The following CDH13 variants were observed in gnomAD, a reference collection of about 807,000 sequenced individuals.
CDH13 encodes the protein cadherin 13, also known as cadherin-13.
A neutral mutation model predicts 63.8 loss-of-function variants in CDH13; 24 were observed. The observed-to-expected ratio is 0.38, with a 90% CI of 0.27 to 0.53. The LOEUF is 0.53. Ranked by LOEUF, CDH13 falls within the 20% of genes least tolerant of loss-of-function variation. The probability of loss-of-function intolerance (pLI) is 0.85; values close to 1 mark genes in which losing one functional copy is unlikely to be tolerated. For synonymous variants in CDH13, 503 were observed against 355.3 expected (o/e 1.42, Z -4.67); for missense variants, 1,049 against 903.1 (o/e 1.16, Z -2.07).
intron 6 of CDH13, among the ~76,000 whole-genome samples, chr16:83,369,866 T>G (rs189947635): frequency 6.6e-6 from 1 of 152,290 alleles, no homozygotes; most frequent in Non-Finnish European, 1.5e-5. Context: ...ATGACACATA[T>G]GTAGCATCCA....
chr16:82,846,805 A>G (rs1419571826), intron 1 of CDH13, among the ~76,000 whole-genome samples: 1 of 152,222 alleles, frequency 6.6e-6, no homozygotes, highest in Non-Finnish European at 1.5e-5. Context: ...AAGAAAATCA[A>G]TTTTAAAATG....
intron 5 of CDH13, among the ~76,000 whole-genome samples, chr16:83,223,991 A>G (rs577458919): frequency 1.3e-5 from 2 of 150,958 alleles, no homozygotes; most frequent in African/African-American, 4.9e-5. Flanking sequence ...TTCCCTTCCC[A>G]CTCTTCCCCC....
chr16:83,139,337 C>G (rs1449711556), intron 4 of CDH13, among the ~76,000 whole-genome samples: 1 of 152,198 alleles, frequency 6.6e-6, no homozygotes, highest in Non-Finnish European at 1.5e-5. Context: ...AATTTGAAAA[C>G]TTTTATTTTA....
At chr16:83,132,443 ACAC>A (rs2036095253) in intron 4 of CDH13, among the ~76,000 whole-genome samples, 1 of 17,532 alleles carries the variant, frequency 5.7e-5, no homozygotes, top group African/African-American at 1.8e-4. Flanking sequence ...CCACCCCCCA[ACAC>A]CCCCCCCTTT....
chr16:82,709,614 A>G (rs72837576), intron 1 of CDH13, among the ~76,000 whole-genome samples: 10,167 of 152,324 alleles, frequency 0.067, 378 homozygotes, highest in Middle Eastern at 0.085. Flanking sequence ...ATTCATGTCA[A>G]GTATTTGGCC....
chr16:83,130,059 GT>G (rs2035982832), intron 4 of CDH13, among the ~76,000 whole-genome samples: 1 of 152,188 alleles, frequency 6.6e-6, no homozygotes, highest in African/African-American at 2.4e-5. Flanking sequence ...TTCAGCATCT[GT>G]TTTTATAAGG....
chr16:83,029,853 A>G (rs1275390485), intron 2 of CDH13, among the ~76,000 whole-genome samples: 2 of 152,208 alleles, frequency 1.3e-5, no homozygotes, highest in Admixed American at 1.3e-4. Flanking sequence ...ATATGTGTCT[A>G]CATTATGCTT....
intron 6 of CDH13, among the ~76,000 whole-genome samples, chr16:83,481,145 C>T (rs1045599998): frequency 2.0e-5 from 3 of 152,224 alleles, no homozygotes; most frequent in Non-Finnish European, 4.4e-5. Context: ...CATCTCTGCT[C>T]ATGTTTGCTT....
chr16:83,428,035 G>A lies in CDH13; in HGVS notation c.782-58442G>A, dbSNP rs570511778. ...GCTCAAATTAAAATTTTAGAGAATC[G>A]GTCTCTGGTATATTTCCCCTTTGCA... On this transcript the variant is annotated intron_variant, in intron 6 of 13. Coordinates refer to ENST00000567109, the MANE Select transcript of CDH13 (RefSeq NM_001257.5). Among the ~76,000 whole-genome samples, 19 of 152,180 alleles carry A rather than the reference G, an allele frequency of 1.2e-4. No individual in the cohort carries two copies. The East Asian group carries it at 3.1e-3, about 25-fold the overall frequency.
At chr16:83,581,783 C>T (rs1905628149) in intron 7 of CDH13, among the ~76,000 whole-genome samples, 1 of 152,328 alleles carries the variant, frequency 6.6e-6, no homozygotes, top group Non-Finnish European at 1.5e-5. Flanking sequence ...CATGCTATTG[C>T]ACTCCAGCCT....
chr16:82,785,275 G>T (rs2035951359), intron 1 of CDH13, among the ~76,000 whole-genome samples: 1 of 152,178 alleles, frequency 6.6e-6, no homozygotes, highest in South Asian at 2.1e-4. Flanking sequence ...TCCCAGGTAT[G>T]CAGGCTTGGC....
At chr16:83,580,080 G>A (rs1301995706) in intron 7 of CDH13, among the ~76,000 whole-genome samples, 4 of 152,214 alleles carry the variant, frequency 2.6e-5, no homozygotes, top group East Asian at 3.9e-4. Flanking sequence ...AGGAGTGGGA[G>A]GAAATGCAGG....
chr16:83,722,672 G>A (rs1456777782), intron 10 of CDH13, among the ~76,000 whole-genome samples: 1 of 152,188 alleles, frequency 6.6e-6, no homozygotes, highest in Non-Finnish European at 1.5e-5. Flanking sequence ...GATGTATCCT[G>A]TTGTCTGTCC....
intron 4 of CDH13, among the ~76,000 whole-genome samples, chr16:83,142,873 C>A (rs1318382946): frequency 1.3e-5 from 2 of 152,100 alleles, no homozygotes; most frequent in Non-Finnish European, 2.9e-5. Context: ...GAGGCCGAGG[C>A]GGGCAGATCA....
rs368033364 is a variant in CDH13 at position 82,752,474 on chromosome 16, T to A, written c.46-105888T>A. Among the ~76,000 whole-genome samples the A allele has an allele frequency of 3.9e-5, 6 of 152,342 alleles. No individual in the cohort carries two copies. In the East Asian group the frequency reaches 1.2e-3, roughly 29 times the overall value. On this transcript the variant is annotated intron_variant, in intron 1 of 13. Transcript: ENST00000567109. The stretch of plus-strand genomic sequence containing the variant: ...AAATGAATTAGTCCAGAGCCCTGTT[T>A]TGAACAGATGCCTGTACAGTTCTTG...
chr16:83,790,761 C>T (rs917899956), intron 13 of CDH13, among the ~76,000 whole-genome samples: 2 of 152,154 alleles, frequency 1.3e-5, no homozygotes, highest in Non-Finnish European at 2.9e-5. Context: ...AATTCTTCCC[C>T]TAGCACCCTC....
chr16:83,524,664 G>C (rs966952262), intron 7 of CDH13, among the ~76,000 whole-genome samples: 18 of 151,922 alleles, frequency 1.2e-4, no homozygotes, highest in Non-Finnish European at 2.6e-4. Flanking sequence ...ATGTTAGCCA[G>C]GATGGTCTCG....
At chr16:83,500,608 T>C (rs1162243340) in intron 7 of CDH13, among the ~76,000 whole-genome samples, 3 of 117,404 alleles carry the variant, frequency 2.6e-5, no homozygotes. Context: ...CGTCTCACTC[T>C]GTCACCCAGG....
intron 6 of CDH13, among the ~76,000 whole-genome samples, chr16:83,484,964 A>G (rs2073853525): frequency 1.3e-5 from 2 of 152,190 alleles, no homozygotes; most frequent in South Asian, 2.1e-4. Context: ...TGCCATCCAA[A>G]GGCAAGGGGG....
Sources: allele counts gnomAD v4.1 joint callset (sites outside exome capture counted in the v4.1 genomes callset), GRCh38; gene constraint gnomAD v4.1.1; transcripts MANE v1.5; gene names NCBI Gene and HGNC (gene_info 2026-07-23, HGNC 2026-07-21).